The following TM9SF3 variants were observed in gnomAD, a reference collection of about 807,000 sequenced individuals.
TM9SF3 encodes the protein SM-11044-binding protein.
In TM9SF3, 14 loss-of-function variants were observed where a neutral mutation model predicts 78.6. That is an observed-to-expected ratio of 0.18 (90% CI 0.12 to 0.28). TM9SF3 has a LOEUF of 0.28. Ranked by LOEUF, TM9SF3 falls within the 10% of genes least tolerant of loss-of-function variation. The probability of loss-of-function intolerance (pLI) is 1.00; values close to 1 mark genes in which losing one functional copy is unlikely to be tolerated. For synonymous variants in TM9SF3, 231 were observed against 241.7 expected (o/e 0.96, Z 0.41); for missense variants, 496 against 721.9 (o/e 0.69, Z 3.59).
chr10:96,544,278 A>T, intron 8 of TM9SF3, 72 bp from the exon 9 acceptor site: 8 of 1,305,282 alleles, frequency 6.1e-6, no homozygotes, highest in Non-Finnish European at 7.2e-6. Flanking sequence ...AAATTTTAAT[A>T]TAAAGATCAT....
intron 2 of TM9SF3, 200 bp downstream of exon 2, chr10:96,576,434 T>C (rs778463781): frequency 5.4e-6 from 2 of 373,342 alleles, no homozygotes; most frequent in Non-Finnish European, 9.5e-6. Flanking sequence ...CAATGTCTGG[T>C]GACTTTTTTG....
At chr10:96,529,956 T>A (rs1186310955) in intron 11 of TM9SF3, among the ~76,000 whole-genome samples, 1 of 152,182 alleles carries the variant, frequency 6.6e-6, no homozygotes, top group African/African-American at 2.4e-5. Flanking sequence ...AGTATTCCCA[T>A]CAGGGGGCAC....
At chr10:96,561,875 T>A in intron 4 of TM9SF3, 103 bp downstream of exon 4, 1 of 924,876 alleles carries the variant, frequency 1.1e-6, no homozygotes, top group Non-Finnish European at 1.7e-6. Flanking sequence ...TTCTGTTGCA[T>A]CCCATTTCAA....
intron 8 of TM9SF3, among the ~76,000 whole-genome samples, chr10:96,546,486 G>A (rs756341537): frequency 7.2e-5 from 11 of 152,118 alleles, no homozygotes; most frequent in Non-Finnish European, 1.3e-4. Flanking sequence ...AGACTATTTT[G>A]AGAGTCATAA....
intron 11 of TM9SF3, among the ~76,000 whole-genome samples, chr10:96,529,481 GACAAATGT>G (rs1221156857): frequency 6.6e-6 from 1 of 151,940 alleles, no homozygotes; most frequent in Non-Finnish European, 1.5e-5. Flanking sequence ...TAGACTGGGG[GACAAATGT>G]ACAAATCTAG....
intron 9 of TM9SF3, among the ~76,000 whole-genome samples, chr10:96,538,821 C>T (rs1847988973): frequency 6.6e-6 from 1 of 152,162 alleles, no homozygotes; most frequent in Non-Finnish European, 1.5e-5. Context: ...AAAGACAGCA[C>T]TATATACTCA....
At chr10:96,566,004 A>G (rs994926860) in intron 2 of TM9SF3, among the ~76,000 whole-genome samples, 1 of 152,176 alleles carries the variant, frequency 6.6e-6, no homozygotes, top group Non-Finnish European at 1.5e-5. Flanking sequence ...TCCCCTCAAG[A>G]TGAGTCATTT....
In TM9SF3 at chr10:96,586,768, A is replaced by G. The variant is rs1199155853; in HGVS notation, c.68T>C (p.Leu23Pro). Residue 23 changes from leucine (L) to proline (P), a missense_variant, in exon 1 of 15, where the codon CTG becomes CCG. Transcript: ENST00000371142. The part of the protein sequence containing the change: ...AAALWLLLLL[L>P]PRTRADEHEH... Reference sequence around the variant, plus strand: ...GTGCTCGTCCGCCCGGGTCCGGGGCAGCAGCAGCAGCAGCAGCCACAGCGC... The same window carrying G: ...GTGCTCGTCCGCCCGGGTCCGGGGCGGCAGCAGCAGCAGCAGCCACAGCGC... 7.9e-7 allele frequency: 1 copy of G among 1,262,528 alleles called. No individual in the cohort carries two copies. The highest frequency in any genetic ancestry group is 1.0e-6 in the Non-Finnish European group (1 of 1,001,398). 78.2% of individuals were successfully genotyped at this position (1,262,528 alleles called of 1,614,324 possible). A position where few individuals can be genotyped will look rare whatever the true frequency, so the allele number is the denominator to read the frequency against.
At chr10:96,538,341 AACCC>A (rs1847983201) in intron 9 of TM9SF3, among the ~76,000 whole-genome samples, 1 of 152,072 alleles carries the variant, frequency 6.6e-6, no homozygotes, top group East Asian at 1.9e-4. Flanking sequence ...AACAAAACAA[AACCC>A]CTCTGGCCCT....
At chr10:96,533,403 T>C (rs573002896) in intron 9 of TM9SF3, among the ~76,000 whole-genome samples, 2 of 152,356 alleles carry the variant, frequency 1.3e-5, no homozygotes, top group South Asian at 2.1e-4. Context: ...CTAGTTCTTA[T>C]CCAATTTGGT....
At chr10:96,540,369 G>A (rs1308185765) in intron 9 of TM9SF3, among the ~76,000 whole-genome samples, 4 of 152,132 alleles carry the variant, frequency 2.6e-5, no homozygotes, top group Non-Finnish European at 4.4e-5. Flanking sequence ...CAGTTTTACA[G>A]CACCTCTGCT....
At chr10:96,550,442 T>C (rs1043775686) in intron 7 of TM9SF3, among the ~76,000 whole-genome samples, 2 of 152,052 alleles carry the variant, frequency 1.3e-5, no homozygotes, top group African/African-American at 4.8e-5. Flanking sequence ...AAAGAGTGCA[T>C]TATGAACTAA....
rs1848282913 is a variant in TM9SF3, at chr10:96,559,890, C to T, written c.583-154G>A. 2.0e-5 allele frequency among the ~76,000 whole-genome samples: 3 copies of T among 152,134 alleles called. No individual in the cohort carries two copies. The South Asian group carries it at 6.2e-4, about 31-fold the overall frequency. On this transcript the variant is annotated intron_variant, in intron 4 of 14. Coordinates refer to ENST00000371142, the MANE Select transcript of TM9SF3 (RefSeq NM_020123.4). ...TTACTTACAACATGAGAAGTGGAAA[C>T]GATTATGATAAAACTAATCAACTTT... is the stretch of plus-strand genomic sequence containing the variant.
At chr10:96,573,848 G>A (rs1292560675) in intron 2 of TM9SF3, among the ~76,000 whole-genome samples, 1 of 152,186 alleles carries the variant, frequency 6.6e-6, no homozygotes, top group Non-Finnish European at 1.5e-5. Context: ...TTAATAGGTG[G>A]TGTTGGGAAA....
intron 2 of TM9SF3, 95 bp from the exon 3 acceptor site, chr10:96,565,521 G>A: frequency 7.2e-7 from 1 of 1,390,754 alleles, no homozygotes; most frequent in East Asian, 2.7e-5. Context: ...ATTTCCTACA[G>A]TTAAAATTTC....
chr10:96,532,047 A>G (rs1028329098), intron 10 of TM9SF3, among the ~76,000 whole-genome samples: 25 of 151,996 alleles, frequency 1.6e-4, no homozygotes, highest in African/African-American at 6.0e-4. Context: ...CATCTCTACT[A>G]AAAATACAAA....
At chr10:96,551,485 T>C in intron 6 of TM9SF3, 74 bp from the exon 7 acceptor site, 1 of 1,174,336 alleles carries the variant, frequency 8.5e-7, no homozygotes, top group Non-Finnish European at 1.1e-6. Context: ...TATGTAAAAA[T>C]TACAGTTGTA....
chr10:96,567,279 T>C lies in TM9SF3; in HGVS notation c.299-1853A>G, dbSNP rs1848387105. ...TTTTGTATTTTTAGTAGAAACAGGG[T>C]TTCACCATGTTAGCAGGCTGGTCTT... On this transcript the variant is annotated intron_variant, in intron 2 of 14. Transcript: ENST00000371142. Among the ~76,000 whole-genome samples, 3 of 151,990 alleles carry C rather than the reference T, an allele frequency of 2.0e-5. No individual in the cohort carries two copies. In the South Asian group the frequency reaches 6.2e-4, roughly 32 times the overall value.
At chr10:96,560,340 T>C (rs1417351925) in intron 4 of TM9SF3, 2 of 741,316 alleles carry the variant, frequency 2.7e-6, no homozygotes, top group Admixed American at 3.4e-5. Flanking sequence ...TAGGGGCTGG[T>C]GCAAAGGATG....
Sources: gnomAD v4.1 joint callset for allele counts (sites outside exome capture counted in the v4.1 genomes callset) on GRCh38, gnomAD v4.1.1 for gene constraint, MANE v1.5 for transcripts, NCBI Gene and HGNC (gene_info 2026-07-23, HGNC 2026-07-21) for gene names.